The following SMAD1 variants were observed in gnomAD, a reference collection of about 807,000 sequenced individuals.
SMAD1 encodes the protein MAD, mothers against decapentaplegic homolog 1.
In SMAD1, 6 loss-of-function variants were observed where a neutral mutation model predicts 41.6. The ratio of observed to expected loss-of-function variants is 0.14; its 90% CI spans 0.08 to 0.28. The LOEUF is 0.28. SMAD1 is among the 10% of genes least tolerant of loss of function. SMAD1 has a pLI of 1.00. For missense variants in SMAD1, 379 were observed against 582.6 expected (o/e 0.65, Z 3.60); for synonymous variants, 206 against 203.2 (o/e 1.01, Z -0.12).
rs540391223 is a variant in SMAD1 at position 145,539,340 on chromosome 4, T to G, written c.401-464T>G. Among the ~76,000 whole-genome samples the G allele has an allele frequency of 4.6e-5, 7 of 152,362 alleles. No homozygotes were observed. The South Asian group carries it at 6.2e-4, about 14-fold the overall frequency. ...ACTATGCTGCTTTTTTGTGTTAAAG[T>G]GAATTAGTGTGTCAGCTTAAAACAC... On this transcript the variant is annotated intron_variant, in intron 2 of 6. Transcript: ENST00000302085.
At chr4:145,552,343 C>A (rs778323847) in intron 5 of SMAD1, among the ~76,000 whole-genome samples, 6 of 152,190 alleles carry the variant, frequency 3.9e-5, no homozygotes, top group Non-Finnish European at 8.8e-5. Context: ...CTGTGAGACA[C>A]AATATAGCCT....
intron 1 of SMAD1, among the ~76,000 whole-genome samples, chr4:145,491,059 T>C (rs1728744217): frequency 6.6e-6 from 1 of 152,152 alleles, no homozygotes; most frequent in Non-Finnish European, 1.5e-5. Context: ...CCCTTCAAAA[T>C]GTGGCTCCAA....
chr4:145,557,652 T>C (rs1732916322), intron 6 of SMAD1, 139 bp from the exon 7 acceptor site: 1 of 575,658 alleles, frequency 1.7e-6, no homozygotes, highest in African/African-American at 1.9e-5. Context: ...GTGTGTTTTT[T>C]TCTCCCCAGG....
chr4:145,536,808 C>G (rs1189251750), intron 2 of SMAD1, among the ~76,000 whole-genome samples: 2 of 152,136 alleles, frequency 1.3e-5, no homozygotes, highest in Non-Finnish European at 2.9e-5. Flanking sequence ...TAGAGACTGT[C>G]TACGGTGGAA....
At chr4:145,489,380 T>A (rs534415482) in intron 1 of SMAD1, among the ~76,000 whole-genome samples, 2 of 152,288 alleles carry the variant, frequency 1.3e-5, no homozygotes, top group Admixed American at 6.5e-5. Flanking sequence ...TAGAGCCCAG[T>A]GCCAGGAGAT....
chr4:145,480,917 ATT>A (rs5862738), upstream of SMAD1, among the ~76,000 whole-genome samples: 12,378 of 128,666 alleles, frequency 0.096, 1,369 homozygotes, highest in African/African-American at 0.29. Flanking sequence ...GCTGGGAGTG[ATT>A]TTTTTTTTTT....
At chr4:145,528,325 G>T (rs764556833) in intron 2 of SMAD1, among the ~76,000 whole-genome samples, 30 of 151,972 alleles carry the variant, frequency 2.0e-4, no homozygotes, top group Non-Finnish European at 4.1e-4. Flanking sequence ...GGCTGGTCTC[G>T]AACTCCTAAT....
intron 2 of SMAD1, among the ~76,000 whole-genome samples, chr4:145,531,072 C>T (rs1026531054): frequency 6.6e-6 from 1 of 152,186 alleles, no homozygotes; most frequent in African/African-American, 2.4e-5. Flanking sequence ...ATTATAGACC[C>T]TCCGTACTAT....
At chr4:145,486,474 AC>A (rs1420414600) in intron 1 of SMAD1, among the ~76,000 whole-genome samples, 1 of 152,224 alleles carries the variant, frequency 6.6e-6, no homozygotes, top group Non-Finnish European at 1.5e-5. Flanking sequence ...TTTTAAAAAA[AC>A]ATTCAACATC....
intron 1 of SMAD1, among the ~76,000 whole-genome samples, chr4:145,491,439 A>T (rs932344065): frequency 2.6e-5 from 4 of 152,212 alleles, no homozygotes; most frequent in African/African-American, 4.8e-5. Flanking sequence ...AAGAAAAAGG[A>T]AAAAAGAAGT....
chr4:145,531,725 C>G (rs1359098135), intron 2 of SMAD1, among the ~76,000 whole-genome samples: 1 of 152,058 alleles, frequency 6.6e-6, no homozygotes, highest in Non-Finnish European at 1.5e-5. Flanking sequence ...AGGACTAGAA[C>G]TAAGGTGTCT....
chr4:145,518,789 T>A (rs1730564246), intron 2 of SMAD1, among the ~76,000 whole-genome samples: 1 of 125,986 alleles, frequency 7.9e-6, no homozygotes, highest in African/African-American at 2.5e-5. Context: ...ACTCAAAAAT[T>A]GAGAATATTT....
chr4:145,549,856 A>G (rs901390983), intron 5 of SMAD1, among the ~76,000 whole-genome samples: 1 of 152,246 alleles, frequency 6.6e-6, no homozygotes, highest in African/African-American at 2.4e-5. Context: ...GCTAGAACCT[A>G]GGTTCATAAC....
chr4:145,549,517 A>C (rs1313993176), intron 5 of SMAD1, among the ~76,000 whole-genome samples: 3 of 152,232 alleles, frequency 2.0e-5, no homozygotes, highest in Admixed American at 2.0e-4. Flanking sequence ...CAAGTGATCA[A>C]GCAAATGGAG....
At position 145,528,082 on chromosome 4, in the gene SMAD1, C is replaced by T. The variant is rs949861769; in HGVS notation, c.401-11722C>T. Among the ~76,000 whole-genome samples, 37 of 151,034 alleles carry T rather than the reference C, an allele frequency of 2.4e-4. 1 individual carries two copies. Among genetic ancestry groups the T allele is most frequent in the Non-Finnish European group, 5.0e-4 (34 of 67,764 alleles). ...TTGTACACACACACACACACACACA[C>T]ACACACACACATACACACACATATA... On this transcript the variant is annotated intron_variant, in intron 2 of 6. Transcript: ENST00000302085.
intron 2 of SMAD1, among the ~76,000 whole-genome samples, chr4:145,530,119 T>G (rs1479993884): frequency 6.6e-6 from 1 of 152,200 alleles, no homozygotes; most frequent in Admixed American, 6.5e-5. Context: ...AGAAAATCAG[T>G]TCTACCCACA....
chr4:145,524,682 T>C (rs1427265839), intron 2 of SMAD1, among the ~76,000 whole-genome samples: 1 of 152,138 alleles, frequency 6.6e-6, no homozygotes, highest in Non-Finnish European at 1.5e-5. Context: ...AGAGAAGATA[T>C]TTTCAGATCT....
chr4:145,541,753 A>G (rs1731952192), intron 3 of SMAD1, among the ~76,000 whole-genome samples: 3 of 152,190 alleles, frequency 2.0e-5, no homozygotes, highest in African/African-American at 7.2e-5. Context: ...CGATTCCCTC[A>G]GGTAAAATTT....
chr4:145,549,352 T>C (rs1732430768), intron 5 of SMAD1, among the ~76,000 whole-genome samples: 1 of 152,200 alleles, frequency 6.6e-6, no homozygotes, highest in South Asian at 2.1e-4. Context: ...TAGGAAATAC[T>C]TAAGTATTTA....
Sources: allele counts gnomAD v4.1 joint callset (sites outside exome capture counted in the v4.1 genomes callset), GRCh38; gene constraint gnomAD v4.1.1; transcripts MANE v1.5; gene names NCBI Gene and HGNC (gene_info 2026-07-23, HGNC 2026-07-21).